Variants in SUN3 observed in about 807,000 individuals in gnomAD.
The protein encoded by SUN3 is SUN domain-containing protein 3.
In SUN3, 36 loss-of-function variants were observed where a neutral mutation model predicts 48.2. The observed-to-expected ratio is 0.75, with a 90% CI of 0.57 to 0.99. The LOEUF (loss-of-function observed/expected upper bound fraction) is 0.99, where lower values mean the gene tolerates loss of function less well. Among genes scored for constraint, SUN3 ranks in the 50% least tolerant of loss-of-function variants. The pLI, the probability that SUN3 is intolerant of heterozygous loss-of-function variation, is 0.00. For missense variants in SUN3, 419 were observed against 433.1 expected, an observed-to-expected ratio of 0.97 and a Z score of 0.29; for synonymous variants, 148 against 147.9, an observed-to-expected ratio of 1.00 and a Z score of 0.00.
At chr7:48,011,090 G>C (rs1789670371) in intron 3 of SUN3, among the ~76,000 whole-genome samples, 1 of 152,118 alleles carries the variant, frequency 6.6e-6, no homozygotes, top group Admixed American at 6.5e-5. Context: ...AGGACGATTT[G>C]ATCTCAAGAA....
intron 8 of SUN3, among the ~76,000 whole-genome samples, chr7:47,991,908 A>C (rs1789075482): frequency 1.3e-5 from 2 of 152,144 alleles, no homozygotes; most frequent in South Asian, 4.1e-4. Flanking sequence ...GGCCCAGCAG[A>C]GGGCTCTCTT....
chr7:48,031,325 CAAT>C (rs772880395), upstream of SUN3, among the ~76,000 whole-genome samples: 2 of 152,080 alleles, frequency 1.3e-5, no homozygotes, highest in African/African-American at 4.8e-5. Flanking sequence ...ATCAAAACAA[CAAT>C]GAGATATCAC....
chr7:48,031,020 T>TTTTATCATA (rs1790249497), upstream of SUN3, among the ~76,000 whole-genome samples: 1 of 152,204 alleles, frequency 6.6e-6, no homozygotes, highest in Non-Finnish European at 1.5e-5. Flanking sequence ...ATAAGACCTC[T>TTTTATCATA]AACCATAAAA....
upstream of SUN3, among the ~76,000 whole-genome samples, chr7:48,030,612 A>C (rs1299528582): frequency 1.3e-5 from 2 of 152,214 alleles, no homozygotes; most frequent in African/African-American, 2.4e-5. Context: ...AATCTTCCTC[A>C]TTTATTTATG....
chr7:48,006,854 T>C (rs1394407858), intron 5 of SUN3, among the ~76,000 whole-genome samples: 2 of 152,264 alleles, frequency 1.3e-5, no homozygotes, highest in South Asian at 2.1e-4. Context: ...AATCTTTTGC[T>C]ATTTAAGGTA....
chr7:48,035,035 T>C, the SUN3 span, among the ~76,000 whole-genome samples: 4 of 152,222 alleles, frequency 2.6e-5, no homozygotes, highest in African/African-American at 9.6e-5. The surrounding 1 kb of genome is among the most constrained non-coding windows in gnomAD (Gnocchi z 4.0). Context: ...AGTGAATCAT[T>C]ACTCCTGCAT....
At chr7:47,999,811 A>G (rs910019212) in intron 6 of SUN3, among the ~76,000 whole-genome samples, 4 of 152,252 alleles carry the variant, frequency 2.6e-5, no homozygotes, top group Non-Finnish European at 5.9e-5. Flanking sequence ...CCAGGATTAT[A>G]GGCGTGAGCC....
upstream of SUN3, among the ~76,000 whole-genome samples, chr7:48,033,429 C>T (rs1915969): frequency 6.6e-6 from 1 of 151,868 alleles, no homozygotes; most frequent in Admixed American, 6.5e-5. Flanking sequence ...AGATGTGGTG[C>T]TGTGGGCCTG....
chr7:48,030,834 T>C (rs1790246284), upstream of SUN3, among the ~76,000 whole-genome samples: 2 of 152,246 alleles, frequency 1.3e-5, no homozygotes, highest in Admixed American at 1.3e-4. Context: ...TCCGCACATA[T>C]ACAGCCAACT....
intron 2 of SUN3, among the ~76,000 whole-genome samples, chr7:48,018,337 A>G (rs775668169): frequency 6.6e-5 from 10 of 152,212 alleles, no homozygotes; most frequent in Non-Finnish European, 1.5e-4. Context: ...GAGATAGTGG[A>G]ATAGCAAACA....
intron 9 of SUN3, 89 bp from the exon 10 acceptor site, chr7:47,987,538 A>G: frequency 8.0e-7 from 1 of 1,251,196 alleles, no homozygotes; most frequent in Non-Finnish European, 1.1e-6. Context: ...TAAATTATAT[A>G]CTTTTTTTTT....
the SUN3 span, among the ~76,000 whole-genome samples, chr7:48,034,897 A>G: frequency 6.6e-6 from 1 of 152,222 alleles, no homozygotes; most frequent in African/African-American, 2.4e-5. Flanking sequence ...ATAAGATATA[A>G]GGAAGAATGT....
intron 3 of SUN3, among the ~76,000 whole-genome samples, chr7:48,012,048 T>G (rs1334486751): frequency 1.3e-5 from 2 of 152,220 alleles, no homozygotes; most frequent in African/African-American, 4.8e-5. Flanking sequence ...TATAGTTGAT[T>G]ATCTTTCTGA....
chr7:48,016,316 T>C (rs1047296634), intron 3 of SUN3, among the ~76,000 whole-genome samples: 1 of 152,176 alleles, frequency 6.6e-6, no homozygotes, highest in African/African-American at 2.4e-5. Context: ...GGACACTAAT[T>C]TGAGTAATAA....
chr7:48,034,797 G>A, the SUN3 span, among the ~76,000 whole-genome samples: 1 of 152,136 alleles, frequency 6.6e-6, no homozygotes, highest in Admixed American at 6.5e-5. Flanking sequence ...TAAGCCAAGT[G>A]TTTGGAGTTC....
chr7:48,018,994 A>T (rs1789892503), intron 2 of SUN3, among the ~76,000 whole-genome samples: 1 of 152,198 alleles, frequency 6.6e-6, no homozygotes, highest in Admixed American at 6.5e-5. Flanking sequence ...ATTATGAAAG[A>T]AACCAAATAT....
chr7:48,026,850 CTGGAACCT>C (rs1395244823), intron 1 of SUN3, among the ~76,000 whole-genome samples: 1 of 152,114 alleles, frequency 6.6e-6, no homozygotes, highest in Non-Finnish European at 1.5e-5. Context: ...ACCAAATCAG[CTGGAACCT>C]TGGACTTCCC....
In SUN3 at chr7:48,017,384, A is replaced by C; in HGVS notation, c.185-19T>G. Reference sequence around the variant, plus strand: ...AGGAGTCCTGTTAAAGAAAAGACAAACTTTGATTAAAGAGTTTCTCTGGAA... The same window carrying C: ...AGGAGTCCTGTTAAAGAAAAGACAACCTTTGATTAAAGAGTTTCTCTGGAA... On this transcript the variant is annotated intron_variant, in intron 2 of 9. Coordinates refer to ENST00000297325, the MANE Select transcript of SUN3 (RefSeq NM_001030019.2). The C allele has an allele frequency of 7.4e-7, 1 of 1,357,496 alleles. No individual in the cohort carries two copies. Among genetic ancestry groups the C allele is most frequent in the South Asian group, 1.2e-5 (1 of 81,064 alleles). 84.1% of individuals were successfully genotyped at this position (1,357,496 alleles called of 1,614,324 possible). A position where few individuals can be genotyped will look rare whatever the true frequency, so the allele number is the denominator to read the frequency against.
At chr7:48,032,516 A>G (rs1162309554), upstream of SUN3, among the ~76,000 whole-genome samples, 2 of 152,274 alleles carry the variant, frequency 1.3e-5, no homozygotes, top group Non-Finnish European at 2.9e-5. Context: ...AAAGAAATCC[A>G]GTCTCTCTCC....
Sources: allele counts gnomAD v4.1 joint callset (sites outside exome capture counted in the v4.1 genomes callset), GRCh38; gene constraint gnomAD v4.1.1; non-coding constraint Gnocchi (gnomAD v3.1); transcripts MANE v1.5; gene names NCBI Gene and HGNC (gene_info 2026-07-23, HGNC 2026-07-21).